Variants in LARGE1 observed in about 807,000 individuals in gnomAD.
The protein encoded by LARGE1 is LARGE xylosyl- and glucuronyltransferase 1, also known as xylosyl- and glucuronyltransferase LARGE1.
LARGE1 carries 43 observed loss-of-function variants against 87.6 expected under a neutral mutation model. The observed-to-expected ratio is 0.49, with a 90% CI of 0.38 to 0.63. LARGE1 has a LOEUF of 0.63. Ranked by LOEUF, LARGE1 falls within the 30% of genes least tolerant of loss-of-function variation. The probability of loss-of-function intolerance (pLI) is 0.00; values close to 1 mark genes in which losing one functional copy is unlikely to be tolerated. For missense variants in LARGE1, 802 were observed against 1,000.2 expected (o/e 0.80, Z 2.67); for synonymous variants, 434 against 394.6 (o/e 1.10, Z -1.18).
At chr22:33,091,364 C>A in the LARGE1 span, among the ~76,000 whole-genome samples, 14 of 152,196 alleles carry the variant, frequency 9.2e-5, no homozygotes, top group Admixed American at 8.5e-4. Context: ...AGTTCAAGAC[C>A]AGCCTGACCA....
intron 5 of LARGE1, among the ~76,000 whole-genome samples, chr22:33,569,446 A>G (rs2078128644): frequency 6.6e-6 from 1 of 152,236 alleles, no homozygotes; most frequent in African/African-American, 2.4e-5. Context: ...CCAACTTAAT[A>G]CATAATCAAT....
intron 11 of LARGE1, among the ~76,000 whole-genome samples, chr22:33,313,579 T>G (rs9609758): frequency 0.25 from 37,339 of 152,174 alleles, 5,669 homozygotes; most frequent in Non-Finnish European, 0.35. Flanking sequence ...TCCAGGGTCA[T>G]GGGCCAGAGA....
At chr22:33,315,272 T>A (rs963027608) in intron 11 of LARGE1, among the ~76,000 whole-genome samples, 1 of 152,218 alleles carries the variant, frequency 6.6e-6, no homozygotes, top group Non-Finnish European at 1.5e-5. Flanking sequence ...GGAGCCTGGA[T>A]GTGAACGTGT....
In LARGE1 at chr22:33,886,593, C is replaced by T. The variant is rs185878657; in HGVS notation, c.-83+33402G>A. The stretch of plus-strand genomic sequence containing the variant: ...TTAGGAGTCTGAGGCAGGAGAATTG[C>T]TTGAACTCGGGAGGTTGCAGTGAGC... On this transcript the variant is annotated intron_variant, in intron 1 of 14. Coordinates refer to ENST00000397394, the MANE Select transcript of LARGE1 (RefSeq NM_133642.5). 5.7e-4 allele frequency among the ~76,000 whole-genome samples: 72 copies of T among 125,470 alleles called. 1 individual carries two copies. Among genetic ancestry groups the T allele is most frequent in the South Asian group, 1.6e-3 (6 of 3,820 alleles). The allele number at this position is 125,470 out of a possible 152,430, so 82.3% of individuals were successfully genotyped here.
intron 11 of LARGE1, among the ~76,000 whole-genome samples, chr22:33,251,790 C>G (rs1927018676): frequency 2.0e-5 from 3 of 152,210 alleles, no homozygotes; most frequent in Admixed American, 2.0e-4. Flanking sequence ...CAGTCTCTCA[C>G]TGTTTGGGGA....
chr22:33,649,629 T>C (rs2080729802), intron 3 of LARGE1, among the ~76,000 whole-genome samples: 1 of 152,180 alleles, frequency 6.6e-6, no homozygotes, highest in South Asian at 2.1e-4. Flanking sequence ...TCTGCATAAA[T>C]CACTAAAGCT....
At chr22:33,524,035 G>A (rs2071747263) in intron 6 of LARGE1, among the ~76,000 whole-genome samples, 1 of 152,046 alleles carries the variant, frequency 6.6e-6, no homozygotes, top group Non-Finnish European at 1.5e-5. Context: ...GTTCACGACT[G>A]TAATCCCAGC....
intron 1 of LARGE1, among the ~76,000 whole-genome samples, chr22:33,813,208 G>A (rs1416934443): frequency 8.7e-5 from 13 of 149,656 alleles, no homozygotes; most frequent in Non-Finnish European, 1.6e-4. Context: ...ATACAAGATC[G>A]TGCCATCACT....
At chr22:33,720,321 CG>C (rs1569402853) in intron 2 of LARGE1, among the ~76,000 whole-genome samples, 2 of 152,022 alleles carry the variant, frequency 1.3e-5, no homozygotes, top group African/African-American at 4.8e-5. Flanking sequence ...GCGGAGCTCA[CG>C]GGGTAACGGG....
chr22:33,096,857 G>A, the LARGE1 span, among the ~76,000 whole-genome samples: 3 of 152,188 alleles, frequency 2.0e-5, no homozygotes, highest in Admixed American at 1.3e-4. Flanking sequence ...GAGCCACCGC[G>A]CCCGGCGGAT....
intron 11 of LARGE1, among the ~76,000 whole-genome samples, chr22:33,216,066 TAATC>T (rs1925188153): frequency 6.6e-6 from 1 of 152,252 alleles, no homozygotes; most frequent in African/African-American, 2.4e-5. Flanking sequence ...TCCATATAGA[TAATC>T]AGTTGTCTCG....
chr22:33,856,038 C>T (rs1319259324), intron 1 of LARGE1, among the ~76,000 whole-genome samples: 1 of 152,192 alleles, frequency 6.6e-6, no homozygotes, highest in Admixed American at 6.5e-5. Flanking sequence ...TTCCCGGGCA[C>T]CCAGCCCTAC....
intron 1 of LARGE1, among the ~76,000 whole-genome samples, chr22:33,779,154 A>G (rs1383064497): frequency 6.6e-6 from 1 of 152,156 alleles, no homozygotes. Context: ...CTCTGCATAC[A>G]TGGGATTTAT....
At chr22:33,191,773 C>A (rs1007385148) in intron 11 of LARGE1, among the ~76,000 whole-genome samples, 1 of 151,672 alleles carries the variant, frequency 6.6e-6, no homozygotes, top group Admixed American at 6.6e-5. Flanking sequence ...TTTCTTTGTC[C>A]AAAATACATT....
chr22:33,893,204 T>C (rs1273047464), intron 1 of LARGE1, among the ~76,000 whole-genome samples: 2 of 152,208 alleles, frequency 1.3e-5, no homozygotes, highest in Admixed American at 1.3e-4. Flanking sequence ...AGAAAATACA[T>C]TTTAATTGAG....
chr22:33,124,623 A>G, the LARGE1 span, among the ~76,000 whole-genome samples: 13 of 152,006 alleles, frequency 8.6e-5, no homozygotes, highest in Admixed American at 5.9e-4. Context: ...CCATTGCCTC[A>G]TCAATCACTG....
chr22:33,230,481 G>GAA (rs1316149093), intron 11 of LARGE1, among the ~76,000 whole-genome samples: 1 of 151,910 alleles, frequency 6.6e-6, no homozygotes, highest in Non-Finnish European at 1.5e-5. Flanking sequence ...GAAAATCAGA[G>GAA]AAAAAAACAG....
the LARGE1 span, among the ~76,000 whole-genome samples, chr22:33,076,688 A>G: frequency 1.3e-5 from 2 of 152,118 alleles, no homozygotes; most frequent in African/African-American, 4.8e-5. Flanking sequence ...ATAAAAGCCT[A>G]CAGATCTGTC....
intron 1 of LARGE1, among the ~76,000 whole-genome samples, chr22:33,809,970 T>A (rs868660794): frequency 4.6e-5 from 7 of 152,174 alleles, no homozygotes; most frequent in Middle Eastern, 3.4e-3. Context: ...TCAGTGGTAC[T>A]AGCCACATTT....
Sources: gnomAD v4.1 joint callset for allele counts (sites outside exome capture counted in the v4.1 genomes callset) on GRCh38, gnomAD v4.1.1 for gene constraint, MANE v1.5 for transcripts, NCBI Gene and HGNC (gene_info 2026-07-23, HGNC 2026-07-21) for gene names.